TMEM272: variants seen among roughly 807,000 people sequenced by gnomAD.
The protein encoded by TMEM272 is transmembrane protein 272.
A neutral mutation model predicts 3.7 loss-of-function variants in TMEM272; 8 were observed. The ratio of observed to expected loss-of-function variants is 2.17; its 90% CI spans 1.27 to 3.91. The LOEUF (loss-of-function observed/expected upper bound fraction) is 3.91. TMEM272 is among the 30% of genes most tolerant of loss of function. TMEM272 has a pLI of 0.00. For missense variants in TMEM272, 166 were observed against 91.5 expected, an observed-to-expected ratio of 1.81 and a Z score of -3.32; for synonymous variants, 63 against 39.8, an observed-to-expected ratio of 1.58 and a Z score of -2.20.
chr13:51,868,852 G>A, the TMEM272 span, among the ~76,000 whole-genome samples: 3,928 of 152,258 alleles, frequency 0.026, 82 homozygotes, highest in Admixed American at 0.072. Context: ...ATTCAGAGGC[G>A]CCAGAAACAG....
chr13:51,918,026 G>T, the TMEM272 span, among the ~76,000 whole-genome samples: 3 of 152,072 alleles, frequency 2.0e-5, no homozygotes, highest in Admixed American at 2.0e-4. Context: ...TTTCATACCT[G>T]TCACCTGAGC....
chr13:51,913,581 C>T, the TMEM272 span, among the ~76,000 whole-genome samples: 1 of 152,188 alleles, frequency 6.6e-6, no homozygotes, highest in African/African-American at 2.4e-5. Flanking sequence ...CCAGGCCAGG[C>T]TGCAACTGAT....
At chr13:51,903,734 C>T in the TMEM272 span, among the ~76,000 whole-genome samples, 2 of 152,126 alleles carry the variant, frequency 1.3e-5, no homozygotes, top group Admixed American at 6.6e-5. Context: ...GAAAAAGACT[C>T]GTGTGGGTGT....
In TMEM272 at chr13:51,824,328, C is replaced by T. The variant is rs139717130; in HGVS notation, c.119-2191G>A. Among the ~76,000 whole-genome samples the T allele has an allele frequency of 1.3e-4, 20 of 152,266 alleles. No individual in the cohort carries two copies. In the East Asian group the frequency reaches 3.9e-3, roughly 29 times the overall value. On this transcript the variant is annotated intron_variant, in intron 3 of 4. Transcript: ENST00000629372. ...TCCCTAGTTCAGTTGATAACAACTA[C>T]CAAATGTAGTGATTTTTAAAATATT...
At chr13:51,823,641 A>C (rs1956099423) in intron 3 of TMEM272, among the ~76,000 whole-genome samples, 1 of 152,270 alleles carries the variant, frequency 6.6e-6, no homozygotes. Flanking sequence ...CCTGACTAAC[A>C]CATCTGTCAA....
At chr13:51,929,672 A>C in the TMEM272 span, among the ~76,000 whole-genome samples, 1 of 152,242 alleles carries the variant, frequency 6.6e-6, no homozygotes, top group Non-Finnish European at 1.5e-5. Flanking sequence ...TTCCAGATGG[A>C]GCATAATAGA....
At chr13:51,834,769 C>T (rs964935728) in intron 2 of TMEM272, among the ~76,000 whole-genome samples, 7 of 152,156 alleles carry the variant, frequency 4.6e-5, no homozygotes, top group Admixed American at 4.6e-4. Context: ...CCCAGGACCC[C>T]CTGACAGGTG....
chr13:51,845,942 C>T (rs375828729), upstream of TMEM272, among the ~76,000 whole-genome samples: 5 of 152,370 alleles, frequency 3.3e-5, no homozygotes, highest in East Asian at 1.9e-4. Context: ...AGGCATTCTC[C>T]AACCCTGACA....
At chr13:51,877,657 C>T in the TMEM272 span, among the ~76,000 whole-genome samples, 3 of 152,196 alleles carry the variant, frequency 2.0e-5, 1 homozygote, top group Non-Finnish European at 4.4e-5. Context: ...TCTACCAGAG[C>T]TTTCAGCATT....
the TMEM272 span, among the ~76,000 whole-genome samples, chr13:51,869,874 T>C: frequency 6.6e-6 from 1 of 152,284 alleles, no homozygotes; most frequent in East Asian, 1.9e-4. Flanking sequence ...AATCCTGCAG[T>C]CGAAGAGGGA....
chr13:51,903,942 C>CGTGTGTGTGTATGTGTGTGTGTGTGT, the TMEM272 span, among the ~76,000 whole-genome samples: 2 of 136,552 alleles, frequency 1.5e-5, no homozygotes, highest in Non-Finnish European at 3.1e-5. Context: ...CAGTCTTCCA[C>CGTGTGTGTGTATGTGTGTGTGTGTGT]GTGTGTGTGT....
At chr13:51,933,593 C>T in the TMEM272 span, 1 of 152,196 alleles carries the variant, frequency 6.6e-6, no homozygotes. Context: ...ACAGATGCTC[C>T]CTTCGGGGTG....
the TMEM272 span, among the ~76,000 whole-genome samples, chr13:51,906,029 G>A: frequency 1.2e-3 from 189 of 152,286 alleles, no homozygotes; most frequent in Non-Finnish European, 2.1e-3. Flanking sequence ...CTTGGGGCTC[G>A]GGCTCTGGGA....
At chr13:51,918,447 T>G in the TMEM272 span, among the ~76,000 whole-genome samples, 3 of 151,674 alleles carry the variant, frequency 2.0e-5, no homozygotes, top group African/African-American at 7.3e-5. Flanking sequence ...CTTCAGCAAA[T>G]AAAAAAGAGA....
At chr13:51,865,960 A>G in the TMEM272 span, 1 of 1,614,070 alleles carries the variant, frequency 6.2e-7, no homozygotes, top group Non-Finnish European at 8.5e-7. Flanking sequence ...TCTGGGAGGA[A>G]GAGAGGGCCT....
chr13:51,852,192 C>G, the TMEM272 span, among the ~76,000 whole-genome samples: 1 of 152,320 alleles, frequency 6.6e-6, no homozygotes, highest in East Asian at 1.9e-4. Context: ...CCAGTTTGAT[C>G]GATGAGAAAT....
At position 51,815,313 on chromosome 13, in the gene TMEM272, AC is replaced by A. The variant is rs1258063556; in HGVS notation, c.*1437del. ...TTGTCCAGCAGATGGCACACCAAGC[AC>A]TTTCTTCTCACCTGGGAGGAAAGGG... On this transcript the variant is annotated 3_prime_UTR_variant, in exon 5 of 5. Transcript: ENST00000629372. 6.5e-6 allele frequency: 1 copy of A among 152,698 alleles called. No individual in the cohort carries two copies. Among genetic ancestry groups the A allele is most frequent in the African/African-American group, 2.4e-5 (1 of 41,448 alleles). The allele number at this position is 152,698 out of a possible 1,614,324, so 9.5% of individuals were successfully genotyped here.
intron 2 of TMEM272, among the ~76,000 whole-genome samples, chr13:51,831,651 G>C (rs1344348803): frequency 2.6e-5 from 4 of 152,184 alleles, no homozygotes; most frequent in African/African-American, 9.7e-5. Context: ...TCAGGAATTG[G>C]GGAGCCCCAC....
chr13:51,914,877 C>T, the TMEM272 span, among the ~76,000 whole-genome samples: 1 of 152,188 alleles, frequency 6.6e-6, no homozygotes, highest in Non-Finnish European at 1.5e-5. Context: ...CCTGGCTTGG[C>T]CATTTAGTGG....
Sources: gnomAD v4.1 joint callset for allele counts (sites outside exome capture counted in the v4.1 genomes callset) on GRCh38, gnomAD v4.1.1 for gene constraint, MANE v1.5 for transcripts, NCBI Gene and HGNC (gene_info 2026-07-23, HGNC 2026-07-21) for gene names.